Variants in SAMD3 observed in about 807,000 individuals in gnomAD.
The protein encoded by SAMD3 is sterile alpha motif domain-containing protein 3.
A neutral mutation model predicts 58.5 loss-of-function variants in SAMD3; 63 were observed. The ratio of observed to expected loss-of-function variants is 1.08; its 90% CI spans 0.88 to 1.33. SAMD3 has a LOEUF of 1.33. Ranked by LOEUF, SAMD3 falls within the 40% of genes most tolerant of loss-of-function variation. The probability of loss-of-function intolerance (pLI) is 0.00; values close to 1 mark genes in which losing one functional copy is unlikely to be tolerated. For synonymous variants in SAMD3, 220 were observed against 210.3 expected (o/e 1.05, Z -0.40); for missense variants, 604 against 608.4 (o/e 0.99, Z 0.08).
intron 1 of SAMD3, among the ~76,000 whole-genome samples, chr6:130,339,269 G>A (rs6906377): frequency 0.019 from 2,925 of 152,088 alleles, 90 homozygotes; most frequent in African/African-American, 0.066. Context: ...GGATGGTCTC[G>A]ATCCCCTGAC....
chr6:130,234,240 T>C (rs913436060), intron 2 of SAMD3, among the ~76,000 whole-genome samples: 2 of 152,138 alleles, frequency 1.3e-5, no homozygotes, highest in African/African-American at 4.8e-5. Flanking sequence ...ATGGTCAAAA[T>C]CCATTTTTAT....
At chr6:130,197,980 T>C (rs902945515) in intron 5 of SAMD3, among the ~76,000 whole-genome samples, 1 of 152,118 alleles carries the variant, frequency 6.6e-6, no homozygotes, top group East Asian at 1.9e-4. Context: ...GCGAAATTCC[T>C]CCTCCTGGCT....
intron 8 of SAMD3, chr6:130,160,195 C>T (rs572764040): frequency 6.6e-6 from 1 of 152,250 alleles, no homozygotes; most frequent in Non-Finnish European, 1.5e-5. Flanking sequence ...ATCACAGCAG[C>T]ATAGTTCATA....
At chr6:130,264,181 A>T (rs769838912) in intron 2 of SAMD3, among the ~76,000 whole-genome samples, 4 of 152,164 alleles carry the variant, frequency 2.6e-5, no homozygotes, top group Non-Finnish European at 5.9e-5. Context: ...CATAGGCTGC[A>T]TGGTAGCTCT....
chr6:130,260,833 C>T lies in SAMD3; in HGVS notation c.-187-38020G>A, dbSNP rs140974644. Among the ~76,000 whole-genome samples the T allele has an allele frequency of 4.9e-3, 740 of 152,334 alleles. 10 individuals carry two copies. The highest frequency in any genetic ancestry group is 0.015 in the African/African-American group (624 of 41,570). ...GGAGGATCAACGCAGTGGCTGAACA[C>T]CGGGAAGGAACTGGTACTTGGAGTC... On this transcript the variant is annotated intron_variant, in intron 2 of 13. Transcript: ENST00000368134.
chr6:130,177,570 G>A (rs1380482574), intron 7 of SAMD3, among the ~76,000 whole-genome samples: 1 of 152,154 alleles, frequency 6.6e-6, no homozygotes. Context: ...CTTAGCCTGT[G>A]CTTCATGGAA....
intron 8 of SAMD3, among the ~76,000 whole-genome samples, chr6:130,170,655 C>A (rs545243044): frequency 3.3e-5 from 5 of 152,232 alleles, no homozygotes. Flanking sequence ...TTGAAGAGGT[C>A]CTTCATGTCC....
intron 9 of SAMD3, among the ~76,000 whole-genome samples, chr6:130,146,704 G>A (rs777368031): frequency 2.0e-5 from 3 of 152,180 alleles, no homozygotes; most frequent in Non-Finnish European, 2.9e-5. Flanking sequence ...GCTGGGCACG[G>A]TGGCTCATGA....
intron 8 of SAMD3, among the ~76,000 whole-genome samples, chr6:130,163,162 T>C (rs1367747334): frequency 6.6e-6 from 1 of 152,194 alleles, no homozygotes; most frequent in Admixed American, 6.6e-5. Flanking sequence ...AAAAAAAGAA[T>C]GTAAAATATC....
chr6:130,251,035 A>C (rs968250414), intron 2 of SAMD3, among the ~76,000 whole-genome samples: 6 of 152,202 alleles, frequency 3.9e-5, no homozygotes, highest in Non-Finnish European at 8.8e-5. Context: ...CAGCAGAAAC[A>C]TTTTATATTC....
intron 7 of SAMD3, among the ~76,000 whole-genome samples, chr6:130,176,927 G>T (rs75880211): frequency 4.6e-5 from 7 of 152,026 alleles, no homozygotes; most frequent in Admixed American, 2.0e-4. Context: ...TGGGAGAGAG[G>T]AGCCAGCCCA....
chr6:130,164,564 C>T lies in SAMD3; in HGVS notation c.823-9539G>A, dbSNP rs950322895. 2.6e-5 allele frequency among the ~76,000 whole-genome samples: 4 copies of T among 152,050 alleles called. 1 individual carries two copies. Among genetic ancestry groups the T allele is most frequent in the South Asian group, 4.1e-4 (2 of 4,822 alleles). On this transcript the variant is annotated intron_variant, in intron 8 of 11. Transcript: ENST00000439090. ...TGGATCGAATGCTTGACAGTGTGTT[C>T]GGAGTCCCTGGTATTACCTGCAACA...
chr6:130,203,558 C>T (rs927776077), intron 5 of SAMD3, among the ~76,000 whole-genome samples: 2 of 152,198 alleles, frequency 1.3e-5, no homozygotes, highest in Admixed American at 1.3e-4. Context: ...GACATTGCAT[C>T]TCACCCCCAT....
chr6:130,175,783 C>G, intron 8 of SAMD3, 58 bp downstream of exon 8: 1 of 1,066,030 alleles, frequency 9.4e-7, no homozygotes, highest in Non-Finnish European at 1.4e-6. Context: ...TATTTATTAT[C>G]CCTTAATCAA....
At chr6:130,307,010 TTC>T (rs1465621246) in intron 2 of SAMD3, among the ~76,000 whole-genome samples, 1 of 152,236 alleles carries the variant, frequency 6.6e-6, no homozygotes, top group Admixed American at 6.5e-5. Context: ...TATTCTCTCA[TTC>T]TCTCTGTTTC....
At chr6:130,204,791 A>G (rs563147799) in intron 5 of SAMD3, among the ~76,000 whole-genome samples, 49 of 145,618 alleles carry the variant, frequency 3.4e-4, no homozygotes, top group African/African-American at 1.2e-3. Context: ...TTGTCAGCAC[A>G]CAATCGGGAT....
chr6:130,317,814 C>T (rs1453627774), intron 1 of SAMD3, among the ~76,000 whole-genome samples: 1 of 152,102 alleles, frequency 6.6e-6, no homozygotes, highest in Non-Finnish European at 1.5e-5. Flanking sequence ...GCAAGGTAAG[C>T]CCTATAGTGT....
At chr6:130,245,088 G>T (rs1773496577) in intron 2 of SAMD3, among the ~76,000 whole-genome samples, 2 of 152,318 alleles carry the variant, frequency 1.3e-5, no homozygotes, top group African/African-American at 4.8e-5. Context: ...GAGTGTTCTG[G>T]ATGCATATCT....
In SAMD3 at chr6:130,214,524, C is replaced by A; in HGVS notation, c.82G>T (p.Glu28Ter). The A allele has an allele frequency of 6.4e-7, 1 of 1,573,930 alleles. No individual in the cohort carries two copies. The highest frequency in any genetic ancestry group is 8.6e-7 in the Non-Finnish European group (1 of 1,163,846). Residue 28 changes from glutamate to a stop codon, truncating the protein, a stop_gained and splice_region_variant, in exon 4 of 12, where the codon GAA (glutamate) becomes TAA (stop). Coordinates refer to ENST00000439090, the MANE Select transcript of SAMD3 (RefSeq NM_001017373.4). LOFTEE classifies it high-confidence loss of function. ...LGELVHRFQE[E>*]EVSGAALLAL... ...AGAAGAGCGGCCCCACTTACTTCTT[C>A]CTCTGGGAAAAAGAAAAAAAATTAG...
Sources: allele counts gnomAD v4.1 joint callset (sites outside exome capture counted in the v4.1 genomes callset), GRCh38; gene constraint gnomAD v4.1.1; transcripts MANE v1.5; gene names NCBI Gene and HGNC (gene_info 2026-07-23, HGNC 2026-07-21).